LHFPL3: variants seen among roughly 807,000 people sequenced by gnomAD.
LHFPL3 encodes LHFPL tetraspan subfamily member 3 protein.
A neutral mutation model predicts 19.3 loss-of-function variants in LHFPL3; 5 were observed. The observed-to-expected ratio is 0.26, with a 90% CI of 0.14 to 0.54. LHFPL3 has a LOEUF of 0.54. Ranked by LOEUF, LHFPL3 falls within the 20% of genes least tolerant of loss-of-function variation. LHFPL3 has a pLI of 0.94. For synonymous variants in LHFPL3, 133 were observed against 126.2 expected, an observed-to-expected ratio of 1.05 and a Z score of -0.36; for missense variants, 249 against 307.4, an observed-to-expected ratio of 0.81 and a Z score of 1.42.
chr7:104,605,753 ATAAAG>A (rs1562948203), intron 1 of LHFPL3, among the ~76,000 whole-genome samples: 1 of 152,184 alleles, frequency 6.6e-6, no homozygotes, highest in African/African-American at 2.4e-5. Flanking sequence ...TTCGTGTTGT[ATAAAG>A]TAAAGTTTAC....
chr7:104,649,414 G>A (rs1791989211), intron 1 of LHFPL3, among the ~76,000 whole-genome samples: 1 of 152,158 alleles, frequency 6.6e-6, no homozygotes, highest in South Asian at 2.1e-4. Context: ...ACAGAGTGGG[G>A]GAGAGGGTCT....
At chr7:104,461,849 C>A (rs866106721) in intron 1 of LHFPL3, among the ~76,000 whole-genome samples, 15 of 152,190 alleles carry the variant, frequency 9.9e-5, no homozygotes, top group African/African-American at 3.4e-4. Flanking sequence ...GGCAGTATGG[C>A]CATTTTAATA....
chr7:104,828,618 C>T (rs1425697169), intron 2 of LHFPL3, among the ~76,000 whole-genome samples: 1 of 152,026 alleles, frequency 6.6e-6, no homozygotes, highest in African/African-American at 2.4e-5. Context: ...CTTAGGAAAG[C>T]ACCGCCAGGC....
intron 2 of LHFPL3, among the ~76,000 whole-genome samples, chr7:104,747,488 T>G (rs1451317229): frequency 6.6e-6 from 1 of 152,222 alleles, no homozygotes; most frequent in Non-Finnish European, 1.5e-5. Context: ...GAAAATTTAG[T>G]GCTAGTAGGT....
intron 1 of LHFPL3, among the ~76,000 whole-genome samples, chr7:104,421,868 G>A (rs916123045): frequency 6.6e-6 from 1 of 152,124 alleles, no homozygotes; most frequent in African/African-American, 2.4e-5. Context: ...TTTGGGAGGT[G>A]ATGAGATCGT....
At chr7:104,616,751 C>G (rs1791351437) in intron 1 of LHFPL3, among the ~76,000 whole-genome samples, 1 of 152,040 alleles carries the variant, frequency 6.6e-6, no homozygotes, top group Non-Finnish European at 1.5e-5. Context: ...GCAATCTATC[C>G]ATCTGACAAA....
At chr7:104,816,005 C>A (rs1234402033) in intron 2 of LHFPL3, among the ~76,000 whole-genome samples, 2 of 152,054 alleles carry the variant, frequency 1.3e-5, no homozygotes, top group East Asian at 3.8e-4. Context: ...CCATATAGAC[C>A]AGCACCCCTT....
At chr7:104,517,879 T>C (rs1196667133) in intron 1 of LHFPL3, among the ~76,000 whole-genome samples, 4 of 152,044 alleles carry the variant, frequency 2.6e-5, no homozygotes, top group Admixed American at 2.6e-4. Flanking sequence ...GGTGGGGACC[T>C]GGGGGAGGGA....
intron 1 of LHFPL3, among the ~76,000 whole-genome samples, chr7:104,435,114 A>C (rs1297357929): frequency 1.4e-5 from 2 of 143,598 alleles, no homozygotes; most frequent in Non-Finnish European, 3.0e-5. Context: ...TGAATGGAAA[A>C]TAGGATTAAA....
At chr7:104,518,848 A>G (rs1461767561) in intron 1 of LHFPL3, among the ~76,000 whole-genome samples, 1 of 118,218 alleles carries the variant, frequency 8.5e-6, no homozygotes, top group Middle Eastern at 3.8e-3. Context: ...GATAGATAGA[A>G]TAAATAAAAA....
chr7:104,645,679 T>TTTTG (rs1554419404), intron 1 of LHFPL3, among the ~76,000 whole-genome samples: 2 of 145,382 alleles, frequency 1.4e-5, no homozygotes, highest in Non-Finnish European at 1.5e-5. Context: ...TTTTTTTTTT[T>TTTTG]AGATGGAGTC....
chr7:104,460,369 A>G (rs1036650953), intron 1 of LHFPL3, among the ~76,000 whole-genome samples: 9 of 152,224 alleles, frequency 5.9e-5, no homozygotes, highest in Non-Finnish European at 1.0e-4. Flanking sequence ...TATATTCAGT[A>G]AAGGGATTGC....
intron 2 of LHFPL3, among the ~76,000 whole-genome samples, chr7:104,802,210 T>A (rs1790265393): frequency 6.6e-6 from 1 of 152,036 alleles, no homozygotes; most frequent in Admixed American, 6.5e-5. Context: ...ATAAAAGATG[T>A]TGGGCCAGGC....
At chr7:104,525,763 C>T (rs1032768639) in intron 1 of LHFPL3, among the ~76,000 whole-genome samples, 5 of 152,166 alleles carry the variant, frequency 3.3e-5, no homozygotes, top group East Asian at 1.9e-4. Flanking sequence ...CGTACCTCCA[C>T]GCCAGGCTAA....
intron 1 of LHFPL3, among the ~76,000 whole-genome samples, chr7:104,616,062 C>A (rs949090236): frequency 6.6e-6 from 1 of 152,072 alleles, no homozygotes; most frequent in African/African-American, 2.4e-5. Flanking sequence ...GCCATACTGC[C>A]CAAAGTAATT....
intron 1 of LHFPL3, among the ~76,000 whole-genome samples, chr7:104,605,871 G>A (rs1210347804): frequency 6.8e-5 from 10 of 147,534 alleles, no homozygotes; most frequent in Admixed American, 6.7e-5. Flanking sequence ...ATGATGGTCT[G>A]AAAAAAAAAA....
chr7:104,560,799 G>A, intron 1 of LHFPL3, among the ~76,000 whole-genome samples: 1 of 148,078 alleles, frequency 6.8e-6, no homozygotes, highest in Non-Finnish European at 1.5e-5. Flanking sequence ...GATCTTTCCT[G>A]CTTTCTCTTG....
At chr7:104,408,864 C>CTTTCTTTTTTTTTTTTT (rs1791475665) in intron 1 of LHFPL3, among the ~76,000 whole-genome samples, 1 of 105,436 alleles carries the variant, frequency 9.5e-6, no homozygotes, top group African/African-American at 3.7e-5. Context: ...AATTTTCTTT[C>CTTTCTTTTTTTTTTTTT]TTTTTTTTTT....
chr7:104,485,956 A>C (rs1394109757), intron 1 of LHFPL3, among the ~76,000 whole-genome samples: 2 of 152,248 alleles, frequency 1.3e-5, no homozygotes, highest in African/African-American at 4.8e-5. Flanking sequence ...ACCAAGATGC[A>C]TTGTTTCTTT....
Sources: allele counts gnomAD v4.1 joint callset (sites outside exome capture counted in the v4.1 genomes callset), GRCh38; gene constraint gnomAD v4.1.1; transcripts MANE v1.5; gene names NCBI Gene and HGNC (gene_info 2026-07-23, HGNC 2026-07-21).